The following GLP2R variants were observed in gnomAD, a reference collection of about 807,000 sequenced individuals.
The protein encoded by GLP2R is glucagon like peptide 2 receptor.
A neutral mutation model predicts 68.2 loss-of-function variants in GLP2R; 59 were observed. The observed-to-expected ratio is 0.87, with a 90% CI of 0.70 to 1.07. The LOEUF is 1.07. Ranked by LOEUF, GLP2R falls within the 50% of genes least tolerant of loss-of-function variation. The probability of loss-of-function intolerance (pLI) is 0.00; values close to 1 mark genes in which losing one functional copy is unlikely to be tolerated. For synonymous variants in GLP2R, 270 were observed against 265.4 expected (o/e 1.02, Z -0.17); for missense variants, 548 against 677.4 (o/e 0.81, Z 2.12).
At chr17:9,845,339 G>A (rs2066827499) in intron 4 of GLP2R, among the ~76,000 whole-genome samples, 1 of 152,194 alleles carries the variant, frequency 6.6e-6, no homozygotes, top group South Asian at 2.1e-4. Context: ...CCCATTAAAT[G>A]TTAAAGATAT....
At chr17:9,861,719 C>A (rs568065457) in intron 8 of GLP2R, among the ~76,000 whole-genome samples, 189 of 152,186 alleles carry the variant, frequency 1.2e-3, no homozygotes, top group Non-Finnish European at 1.8e-3. Context: ...AAATAGCACA[C>A]ACAAAAAACT....
intron 5 of GLP2R, among the ~76,000 whole-genome samples, chr17:9,856,570 G>C (rs529759475): frequency 6.6e-6 from 1 of 152,192 alleles, no homozygotes; most frequent in African/African-American, 2.4e-5. Flanking sequence ...TAAGGAAGAG[G>C]TGATGAGAGC....
At chr17:9,858,699 G>A (rs940970617) in intron 6 of GLP2R, among the ~76,000 whole-genome samples, 1 of 152,162 alleles carries the variant, frequency 6.6e-6, no homozygotes, top group Non-Finnish European at 1.5e-5. Flanking sequence ...TATAGCAAAT[G>A]AGTTTTTCTA....
chr17:9,825,958 C>T lies in GLP2R; in HGVS notation c.-106C>T, dbSNP rs2066622270. On this transcript the variant is annotated 5_prime_UTR_variant, in exon 1 of 13. Coordinates refer to ENST00000262441, the MANE Select transcript of GLP2R (RefSeq NM_004246.3). ...CGGCGCAGCGTGGAGAGGATTTGTGCAAACATTTCCTCTGTGGACCAAGAG... is the reference window on the plus strand; with the variant it reads ...CGGCGCAGCGTGGAGAGGATTTGTGTAAACATTTCCTCTGTGGACCAAGAG... 22 of 928,730 alleles carry T rather than the reference C, an allele frequency of 2.4e-5. No homozygotes were observed. Among genetic ancestry groups the T allele is most frequent in the Non-Finnish European group, 3.6e-5 (22 of 607,038 alleles). The allele number at this position is 928,730 out of a possible 1,614,324, so 57.5% of individuals were successfully genotyped here. A position where few individuals can be genotyped will look rare whatever the true frequency, so the allele number is the denominator to read the frequency against.
intron 4 of GLP2R, among the ~76,000 whole-genome samples, chr17:9,848,040 T>C (rs1250407710): frequency 6.6e-6 from 1 of 152,218 alleles, no homozygotes; most frequent in Non-Finnish European, 1.5e-5. Flanking sequence ...CCTCAGGGAA[T>C]TCTGTCTAAA....
rs1291763383 is a variant in GLP2R at position 9,890,832 on chromosome 17, C to G, written c.*1127C>G. 2 of 152,274 alleles carry G rather than the reference C, an allele frequency of 1.3e-5. No homozygotes were observed. The highest frequency in any genetic ancestry group is 2.4e-5 in the African/African-American group (1 of 41,450). The allele number at this position is 152,274 out of a possible 1,614,324, so 9.4% of individuals were successfully genotyped here. ...CAGGGTGGCTCTGAGAGATCCAAGA[C>G]TTTGCATCCACCAGCCTGTGGGATC... On this transcript the variant is annotated 3_prime_UTR_variant, in exon 13 of 13. Coordinates refer to ENST00000262441, the MANE Select transcript of GLP2R (RefSeq NM_004246.3).
rs566830979 is a variant in GLP2R, at chr17:9,847,377, C to CT, written c.504+4763dup. Among the ~76,000 whole-genome samples the CT allele has an allele frequency of 2.8e-4, 43 of 152,106 alleles. No homozygotes were observed. In the East Asian group the frequency reaches 8.1e-3, roughly 29 times the overall value. On this transcript the variant is annotated intron_variant, in intron 4 of 12. Transcript: ENST00000262441. Reference sequence around the variant, plus strand: ...CTCCGCCTTCCGGTTTCAAGCGATTCTTCTGCCTCAGCCTCCAGAGTAGCT... The same window carrying CT: ...CTCCGCCTTCCGGTTTCAAGCGATTCTTTCTGCCTCAGCCTCCAGAGTAGCT...
At chr17:9,871,286 C>T (rs527712917) in intron 10 of GLP2R, among the ~76,000 whole-genome samples, 12 of 149,246 alleles carry the variant, frequency 8.0e-5, no homozygotes, top group African/African-American at 2.2e-4. Flanking sequence ...CCCAGAAGGT[C>T]GAGGCTGCAG....
At position 9,889,643 on chromosome 17, in the gene GLP2R, A is replaced by G. The variant is rs1567742728; in HGVS notation, c.1600A>G (p.Ser534Gly). ...CCGGGGCAGCAGCCTGTCCGAGTGC[A>G]GTGAGGGGGATGTCACCATGGCCAA... The part of the protein sequence containing the change: ...WPRGSSLSEC[S>G]EGDVTMANTM... The change falls in exon 13 of 13, where the codon AGT becomes GGT. Residue 534 changes from serine (S) to glycine (G), a missense_variant. Transcript: ENST00000262441. The G allele has an allele frequency of 2.5e-6, 4 of 1,610,894 alleles. No homozygotes were observed.
chr17:9,836,646 T>C (rs1597377366), intron 3 of GLP2R, among the ~76,000 whole-genome samples, 171 bp downstream of exon 3: 1 of 152,190 alleles, frequency 6.6e-6, no homozygotes, highest in Middle Eastern at 3.4e-3. Flanking sequence ...TTTATTTTTA[T>C]TTATCTTTGT....
Position 9,870,957 on chromosome 17 carries a change from TG to T in GLP2R, c.1145+125del, listed in dbSNP as rs1212120725. 19 of 662,530 alleles carry T rather than the reference TG, an allele frequency of 2.9e-5. No homozygotes were observed. The Middle Eastern group carries it at 1.4e-3, about 48-fold the overall frequency. The allele number at this position is 662,530 out of a possible 1,614,324, so 41.0% of individuals were successfully genotyped here. A position where few individuals can be genotyped will look rare whatever the true frequency, so the allele number is the denominator to read the frequency against. ...GCCAGGGTATCAGAAAGAGCAGTTC[TG>T]GGAAGGTGCTATAGGATCAAGTGAG... On this transcript the variant is annotated intron_variant, in intron 10 of 12. Transcript: ENST00000262441.
chr17:9,877,617 C>T (rs755777627), intron 10 of GLP2R, among the ~76,000 whole-genome samples: 8 of 152,080 alleles, frequency 5.3e-5, no homozygotes, highest in East Asian at 3.9e-4. Flanking sequence ...ATGCCGGGGG[C>T]GGTGGCTCAA....
At chr17:9,882,166 G>A (rs2152048812) in intron 11 of GLP2R, among the ~76,000 whole-genome samples, 1 of 152,300 alleles carries the variant, frequency 6.6e-6, no homozygotes, top group African/African-American at 2.4e-5. Context: ...TGCTCCACCA[G>A]TGAGGAAATT....
rs1555571772 is a variant in GLP2R, at chr17:9,859,636, A to AAAAAATAT, written c.766-305_766-304insAAAATATA. On this transcript the variant is annotated intron_variant, in intron 6 of 12. Transcript: ENST00000262441. The stretch of plus-strand genomic sequence containing the variant: ...TGAAACCCTGTGTCTACTAAAAAAA[A>AAAAAATAT]ATATATATATATATATACATACATA... 2.1e-5 allele frequency among the ~76,000 whole-genome samples: 3 copies of AAAAAATAT among 143,104 alleles called. No homozygotes were observed. The South Asian group carries it at 6.9e-4, about 33-fold the overall frequency. 93.9% of individuals were successfully genotyped at this position (143,104 alleles called of 152,430 possible).
chr17:9,842,644 C>T (rs772286555), intron 4 of GLP2R, 28 bp downstream of exon 4: 27 of 1,611,588 alleles, frequency 1.7e-5, no homozygotes, highest in Non-Finnish European at 2.2e-5. Flanking sequence ...AGTGAGGAGG[C>T]ATCCAGGGTC....
chr17:9,842,445 G>T, intron 3 of GLP2R, 50 bp from the exon 4 acceptor site: 2 of 1,612,602 alleles, frequency 1.2e-6, no homozygotes, highest in Non-Finnish European at 1.7e-6. Flanking sequence ...ATGCTCAGGG[G>T]AACGGGCTGT....
At position 9,865,519 on chromosome 17, in the gene GLP2R, C is replaced by T. The variant is rs969702321; in HGVS notation, c.1056+3429C>T. Reference sequence around the variant, plus strand: ...TGGTTCTAAACTCCTTAGAGTCATTCCCTCTCTACTCACCTAACCAGAATT... The same window carrying T: ...TGGTTCTAAACTCCTTAGAGTCATTTCCTCTCTACTCACCTAACCAGAATT... On this transcript the variant is annotated intron_variant, in intron 9 of 12. Coordinates refer to ENST00000262441, the MANE Select transcript of GLP2R (RefSeq NM_004246.3). 7.2e-5 allele frequency among the ~76,000 whole-genome samples: 11 copies of T among 152,248 alleles called. No individual in the cohort carries two copies. In the South Asian group the frequency reaches 2.3e-3, roughly 32 times the overall value.
rs144324194 is a variant in GLP2R at position 9,848,867 on chromosome 17, T to TTGTGTGTGTG, written c.505-5609_505-5600dup. Among the ~76,000 whole-genome samples, 1,341 of 139,364 alleles carry TTGTGTGTGTG rather than the reference T, an allele frequency of 9.6e-3. 20 individuals carry two copies. The highest frequency in any genetic ancestry group is 0.038 in the Admixed American group (521 of 13,828). 91.4% of individuals were successfully genotyped at this position (139,364 alleles called of 152,430 possible). A position where few individuals can be genotyped will look rare whatever the true frequency, so the allele number is the denominator to read the frequency against. On this transcript the variant is annotated intron_variant, in intron 4 of 12. Transcript: ENST00000262441. Reference sequence around the variant, plus strand: ...TGTTAAATGGCACTTTTAAAGGAGATTGTGTGTGTGTGTGTGTGTGTGTGT... The same window carrying TTGTGTGTGTG: ...TGTTAAATGGCACTTTTAAAGGAGATTGTGTGTGTGTGTGTGTGTGTGTGTGTGTGTGTGT...
At chr17:9,827,896 G>T (rs2048125529) in intron 1 of GLP2R, among the ~76,000 whole-genome samples, 1 of 149,562 alleles carries the variant, frequency 6.7e-6, no homozygotes. Context: ...TGGAGGTGGA[G>T]GTTGCAGTGA....
Sources: allele counts gnomAD v4.1 joint callset (sites outside exome capture counted in the v4.1 genomes callset), GRCh38; gene constraint gnomAD v4.1.1; transcripts MANE v1.5; gene names NCBI Gene and HGNC (gene_info 2026-07-23, HGNC 2026-07-21).